The following LUZP1 variants were observed in gnomAD, a reference collection of about 807,000 sequenced individuals.
LUZP1 encodes leucine zipper protein 1, also known as filamin mechanobinding actin cross-linking protein.
Under a neutral mutation model 71.3 loss-of-function variants are expected in LUZP1, and 25 were observed. The observed-to-expected ratio is 0.35, with a 90% CI of 0.26 to 0.49. The LOEUF (loss-of-function observed/expected upper bound fraction) is 0.49. Ranked by LOEUF, LUZP1 falls within the 20% of genes least tolerant of loss-of-function variation. The probability of loss-of-function intolerance (pLI) is 0.99; values close to 1 mark genes in which losing one functional copy is unlikely to be tolerated. For missense variants in LUZP1, 1,142 were observed against 1,300.8 expected (o/e 0.88, Z 1.88); for synonymous variants, 481 against 506.4 (o/e 0.95, Z 0.67).
At chr1:23,152,733 G>A (rs1004773618) in intron 2 of LUZP1, among the ~76,000 whole-genome samples, 11 of 152,092 alleles carry the variant, frequency 7.2e-5, no homozygotes, top group East Asian at 3.9e-4. Flanking sequence ...GTTTTGCCAC[G>A]TTGGCCAGGC....
chr1:23,108,462 T>C (rs1010440257), intron 3 of LUZP1, among the ~76,000 whole-genome samples: 1 of 152,086 alleles, frequency 6.6e-6, no homozygotes, highest in African/African-American at 2.4e-5. Context: ...TAGCTGGGCA[T>C]GGTGGTGCAC....
intron 2 of LUZP1, among the ~76,000 whole-genome samples, chr1:23,145,009 C>T (rs1440936379): frequency 6.6e-6 from 1 of 152,014 alleles, no homozygotes. Flanking sequence ...GATCTTCCCA[C>T]CTCAGCCTCC....
At chr1:23,166,653 C>CAAAAAAAA (rs538327046) in intron 2 of LUZP1, among the ~76,000 whole-genome samples, 1 of 70,896 alleles carries the variant, frequency 1.4e-5, no homozygotes, top group African/African-American at 5.0e-5. Flanking sequence ...CACTCCGTCT[C>CAAAAAAAA]AAAAAAAAAA....
At chr1:23,085,003 T>C (rs1299057546) in exon 5 of LUZP1, 1 of 152,660 alleles carries the variant, frequency 6.6e-6, no homozygotes, top group Non-Finnish European at 1.5e-5. Context: ...CATATTGTAC[T>C]GCAGAGCCAA....
At chr1:23,089,021 G>A in exon 5 of LUZP1, 1 of 1,614,096 alleles carries the variant, frequency 6.2e-7, no homozygotes, top group Non-Finnish European at 8.5e-7. Context: ...GTTGCCTGTA[G>A]ACACTGAGTG....
intron 1 of LUZP1, among the ~76,000 whole-genome samples, chr1:23,171,667 G>C (rs573389581): frequency 1.3e-5 from 2 of 152,230 alleles, no homozygotes; most frequent in East Asian, 3.9e-4. Flanking sequence ...TGCCTGGCCC[G>C]GTCTTCAAAG....
intron 2 of LUZP1, among the ~76,000 whole-genome samples, chr1:23,141,603 A>T (rs1644303635): frequency 6.6e-6 from 1 of 152,200 alleles, no homozygotes; most frequent in South Asian, 2.1e-4. Context: ...CCTCTGCCAC[A>T]TGGGCCACCA....
In LUZP1 at chr1:23,093,515, T is replaced by A. The variant is rs369028151; in HGVS notation, c.747A>T (p.Thr249=). ...TCCTTCTTGATTCTTTGGACGGCAG[T>A]GTGGAAGAGATGCCATCCTCAATCC... is the stretch of plus-strand genomic sequence containing the variant. Residue 249 remains threonine, a synonymous_variant, in exon 4 of 5, where the codon ACA becomes ACT. Coordinates refer to ENST00000302291, the Ensembl canonical transcript of LUZP1. The surrounding 1 kb of genome is among the most constrained non-coding windows in gnomAD (Gnocchi z 4.2). The A allele has an allele frequency of 6.2e-6, 10 of 1,613,544 alleles. No individual in the cohort carries two copies. The highest frequency in any genetic ancestry group is 1.3e-5 in the African/African-American group (1 of 74,888).
intron 2 of LUZP1, among the ~76,000 whole-genome samples, chr1:23,165,309 A>G (rs1313583879): frequency 1.3e-5 from 2 of 152,178 alleles, no homozygotes; most frequent in African/African-American, 4.8e-5. Context: ...GTCAAACTGT[A>G]CACTTAAAAT....
intron 2 of LUZP1, among the ~76,000 whole-genome samples, chr1:23,150,348 A>G (rs1644374362): frequency 6.6e-6 from 1 of 152,194 alleles, no homozygotes; most frequent in Non-Finnish European, 1.5e-5. Flanking sequence ...GGGACAGTGA[A>G]TGACTAGAAC....
chr1:23,130,090 C>T (rs1644202328), intron 2 of LUZP1, among the ~76,000 whole-genome samples: 1 of 152,136 alleles, frequency 6.6e-6, no homozygotes, highest in South Asian at 2.1e-4. Context: ...CCACTCATTT[C>T]CTGAAGACAA....
chr1:23,117,606 G>A (rs1644095883), intron 2 of LUZP1, among the ~76,000 whole-genome samples: 1 of 151,420 alleles, frequency 6.6e-6, no homozygotes, highest in South Asian at 2.1e-4. Context: ...GGATGGGTGG[G>A]GCCAGAGGTA....
chr1:23,091,944 C>G, exon 4 of LUZP1: 1 of 1,614,098 alleles, frequency 6.2e-7, no homozygotes, highest in Non-Finnish European at 8.5e-7. Context: ...AGTCTCTGTT[C>G]CAGATCCTCC....
At chr1:23,118,576 A>G (rs1279658526) in intron 2 of LUZP1, among the ~76,000 whole-genome samples, 1 of 152,170 alleles carries the variant, frequency 6.6e-6, no homozygotes, top group Non-Finnish European at 1.5e-5. Flanking sequence ...AAACAGAAGA[A>G]TGTATGTGAA....
intron 2 of LUZP1, among the ~76,000 whole-genome samples, chr1:23,166,523 C>T (rs1644511016): frequency 1.3e-5 from 2 of 151,854 alleles, no homozygotes; most frequent in African/African-American, 4.8e-5. Flanking sequence ...GGCAAGGTGG[C>T]ACACACCTGT....
chr1:23,097,924 A>T (rs757310207), intron 3 of LUZP1, among the ~76,000 whole-genome samples: 2 of 152,232 alleles, frequency 1.3e-5, no homozygotes, highest in Non-Finnish European at 2.9e-5. Context: ...GTAGAGGGAC[A>T]GCATTACCAT....
At chr1:23,138,174 G>A (rs1037532741) in intron 2 of LUZP1, among the ~76,000 whole-genome samples, 6 of 152,064 alleles carry the variant, frequency 3.9e-5, no homozygotes, top group South Asian at 4.1e-4. Flanking sequence ...GGGTTTTACC[G>A]TGTTGCCCAG....
In LUZP1 at chr1:23,093,023, G is replaced by A. The variant is rs745724064; in HGVS notation, c.1239C>T (p.Asn413=). The A allele has an allele frequency of 1.7e-5, 27 of 1,614,018 alleles. No homozygotes were observed. In the South Asian group the frequency reaches 2.6e-4, roughly 16 times the overall value. The change falls in exon 4 of 5, where the codon AAC becomes AAT. Residue 413 remains asparagine (N), a synonymous_variant. Transcript: ENST00000302291. This position sits in a 1 kb window ranked among gnomAD's most constrained non-coding sequence, Gnocchi z 4.2. ...AAACCTGCCTGTTGCTCAGAGAATA[G>A]TTTTCATTGTTGAGAGCAAACTCCC...
chr1:23,172,879 G>A (rs776391623), intron 1 of LUZP1, among the ~76,000 whole-genome samples: 1 of 151,740 alleles, frequency 6.6e-6, no homozygotes, highest in Non-Finnish European at 1.5e-5. Flanking sequence ...TGTTGCTCAG[G>A]CTAGAGTGCA....
Sources: allele counts gnomAD v4.1 joint callset (sites outside exome capture counted in the v4.1 genomes callset), GRCh38; gene constraint gnomAD v4.1.1; non-coding constraint Gnocchi (gnomAD v3.1); transcripts MANE v1.5; gene names NCBI Gene and HGNC (gene_info 2026-07-23, HGNC 2026-07-21).